FBXO27: variants seen among roughly 807,000 people sequenced by gnomAD.
FBXO27 encodes the protein F-box only protein 27.
Under a neutral mutation model 28.3 loss-of-function variants are expected in FBXO27, and 28 were observed. That is an observed-to-expected ratio of 0.99 (90% CI 0.73 to 1.36). FBXO27 has a LOEUF of 1.36. Ranked by LOEUF, FBXO27 falls within the 40% of genes most tolerant of loss-of-function variation. FBXO27 has a pLI of 0.00. For missense variants in FBXO27, 388 were observed against 394.1 expected (o/e 0.98, Z 0.13); for synonymous variants, 175 against 167.3 (o/e 1.05, Z -0.36).
In FBXO27 at chr19:39,032,125, G is replaced by A; in HGVS notation, c.103C>T (p.Leu35=). The A allele has an allele frequency of 3.3e-6, 5 of 1,537,362 alleles. No homozygotes were observed. Among genetic ancestry groups the A allele is most frequent in the Non-Finnish European group, 4.3e-6 (5 of 1,149,730 alleles). Residue 35 remains leucine (L), a synonymous_variant, in exon 2 of 6, where the codon CTG becomes TTG. Transcript: ENST00000292853. The surrounding 1 kb of genome is among the most constrained non-coding windows in gnomAD (Gnocchi z 4.7). Reference sequence around the variant, plus strand: ...GGGGGGACGTGGCTCAGCACCACCAGAAGCAGCTCTGGGGGTAGTTGGCTC... The same window carrying A: ...GGGGGGACGTGGCTCAGCACCACCAAAAGCAGCTCTGGGGGTAGTTGGCTC... The part of the protein sequence containing the change: ...DLSQLPPELL[L]VVLSHVPPRT...
intron 2 of FBXO27, chr19:39,014,303 G>A (rs1267586472): frequency 6.6e-6 from 1 of 152,234 alleles, no homozygotes; most frequent in Non-Finnish European, 1.5e-5. Flanking sequence ...CTGTTCTTTG[G>A]CAGCAGCAAA....
chr19:39,012,432 C>G (rs2072799974), intron 2 of FBXO27, among the ~76,000 whole-genome samples: 1 of 145,776 alleles, frequency 6.9e-6, no homozygotes, highest in African/African-American at 2.5e-5. Flanking sequence ...GATCCACCCA[C>G]CTCGGCCTCC....
chr19:39,015,997 G>A (rs1475375835), intron 1 of FBXO27, among the ~76,000 whole-genome samples: 8 of 152,172 alleles, frequency 5.3e-5, no homozygotes, highest in South Asian at 2.1e-4. Context: ...TCTCGAACCC[G>A]GGAGGCGGAG....
At chr19:39,025,649 T>C in intron 5 of FBXO27, 95 bp from the exon 6 acceptor site, 1 of 1,446,312 alleles carries the variant, frequency 6.9e-7, no homozygotes, top group Non-Finnish European at 9.2e-7. Context: ...TTTCCAAGGA[T>C]GGCTATAAAA....
Position 39,030,939 on chromosome 19 carries a change from G to C in FBXO27, c.572+90C>G. 5 of 1,066,338 alleles carry C rather than the reference G, an allele frequency of 4.7e-6. No individual in the cohort carries two copies. The Admixed American group carries it at 8.5e-5, about 18-fold the overall frequency. 66.1% of individuals were successfully genotyped at this position (1,066,338 alleles called of 1,614,324 possible). Reference sequence around the variant, plus strand: ...TCAGATTTTTTATCTGTAAGGAGGGGTTAGGAGGCCTAAATTAAGTCACCC... The same window carrying C: ...TCAGATTTTTTATCTGTAAGGAGGGCTTAGGAGGCCTAAATTAAGTCACCC... On this transcript the variant is annotated intron_variant, in intron 4 of 5. Coordinates refer to ENST00000292853, the MANE Select transcript of FBXO27 (RefSeq NM_178820.5).
rs1455462474 is a variant in FBXO27 at position 39,032,321 on chromosome 19, C to A, written c.-26-68G>T. On this transcript the variant is annotated intron_variant, in intron 1 of 5. Transcript: ENST00000292853. This position sits in a 1 kb window ranked among gnomAD's most constrained non-coding sequence, Gnocchi z 4.7. ...CCGCGGCGCGCAGCCTCTGCCTGCC[C>A]TGATTCTGCCAGCCGCACCCCCGTC... 2 of 1,360,850 alleles carry A rather than the reference C, an allele frequency of 1.5e-6. No individual in the cohort carries two copies. The highest frequency in any genetic ancestry group is 1.9e-6 in the Non-Finnish European group (2 of 1,062,488). The allele number at this position is 1,360,850 out of a possible 1,614,324, so 84.3% of individuals were successfully genotyped here. A position where few individuals can be genotyped will look rare whatever the true frequency, so the allele number is the denominator to read the frequency against.
At chr19:39,017,181 G>C (rs1319272549) in intron 1 of FBXO27, among the ~76,000 whole-genome samples, 3 of 152,092 alleles carry the variant, frequency 2.0e-5, no homozygotes, top group Non-Finnish European at 4.4e-5. Flanking sequence ...TTCTCCAAAG[G>C]CTCCAGTAAG....
In FBXO27 at chr19:39,031,899, A is replaced by T; in HGVS notation, c.329T>A (p.Ile110Asn). The change falls in exon 2 of 6, where the codon ATC becomes AAC. Residue 110 changes from isoleucine (I) to asparagine (N), a missense_variant. Coordinates refer to ENST00000292853, the MANE Select transcript of FBXO27 (RefSeq NM_178820.5). Reference protein sequence around the residue: ...PLGRFCARRPIGRNLIRNPCG... With the variant: ...PLGRFCARRPNGRNLIRNPCG... ...GGGGTTGCGAATAAGGTTGCGTCCG[A>T]TGGGTCTGCGCGCGCAGAAGCGGCC... 1 of 1,499,752 alleles carries T rather than the reference A, an allele frequency of 6.7e-7. No homozygotes were observed. The highest frequency in any genetic ancestry group is 1.3e-5 in the South Asian group (1 of 75,984). The allele number at this position is 1,499,752 out of a possible 1,614,324, so 92.9% of individuals were successfully genotyped here. A position where few individuals can be genotyped will look rare whatever the true frequency, so the allele number is the denominator to read the frequency against.
chr19:39,028,101 C>T (rs772192441), intron 4 of FBXO27, among the ~76,000 whole-genome samples: 2 of 151,862 alleles, frequency 1.3e-5, no homozygotes, highest in Non-Finnish European at 1.5e-5. Context: ...ATTAGCCAGG[C>T]GTGGTGGCAG....
intron 4 of FBXO27, among the ~76,000 whole-genome samples, chr19:39,029,409 C>T (rs1484134156): frequency 7.6e-6 from 1 of 130,892 alleles, no homozygotes. Context: ...CCTGGGCCAC[C>T]TAGTGAGACT....
chr19:39,027,914 C>T (rs948500699), intron 4 of FBXO27, among the ~76,000 whole-genome samples: 5 of 152,026 alleles, frequency 3.3e-5, no homozygotes, highest in Non-Finnish European at 5.9e-5. Flanking sequence ...ATTCCATCCC[C>T]GAACTTTGTA....
At chr19:39,006,248 A>AC (rs930395588) in intron 2 of FBXO27, among the ~76,000 whole-genome samples, 3 of 151,156 alleles carry the variant, frequency 2.0e-5, no homozygotes, top group Non-Finnish European at 3.0e-5. Flanking sequence ...ATGGTGAAAA[A>AC]CCCGTCTTTA....
chr19:39,025,678 GT>G, intron 5 of FBXO27, 124 bp from the exon 6 acceptor site: 7 of 1,254,058 alleles, frequency 5.6e-6, no homozygotes, highest in Non-Finnish European at 7.6e-6. Context: ...TGGGCCACAT[GT>G]TCTTCTAGAA....
At chr19:39,010,221 T>A (rs1062261) in intron 2 of FBXO27, among the ~76,000 whole-genome samples, 65,396 of 151,072 alleles carry the variant, frequency 0.43, 14,776 homozygotes, top group Middle Eastern at 0.57. Context: ...TAAAGAGATA[T>A]CCCTGTATTC....
chr19:39,008,493 C>T lies in FBXO27; in HGVS notation c.252+5894G>A, dbSNP rs190646665. 7.2e-5 allele frequency among the ~76,000 whole-genome samples: 11 copies of T among 152,096 alleles called. No homozygotes were observed. In the East Asian group the frequency reaches 1.4e-3, roughly 19 times the overall value. On this transcript the variant is annotated intron_variant, in intron 2 of 2. Transcript: ENST00000598394. ...AACTTTAGATTTTTTTCCATTTTTA[C>T]GGAGGTAAAATTCATACAATATATA...
At chr19:39,007,057 CA>C (rs34457510) in intron 2 of FBXO27, among the ~76,000 whole-genome samples, 44 of 57,612 alleles carry the variant, frequency 7.6e-4, no homozygotes, top group Admixed American at 1.0e-3. Flanking sequence ...TGGGTGTCTC[CA>C]AAAAAAAAAA....
Position 39,032,531 on chromosome 19 carries a change from G to C in FBXO27, c.-55C>G, listed in dbSNP as rs640126. The C allele has an allele frequency of 5.2e-3, 1,810 of 347,530 alleles. 26 individuals are homozygous for C. Among genetic ancestry groups the C allele is most frequent in the African/African-American group, 0.037 (1,695 of 45,994 alleles). 21.5% of individuals were successfully genotyped at this position (347,530 alleles called of 1,614,324 possible). On this transcript the variant is annotated 5_prime_UTR_variant, in exon 1 of 6. It adds an upstream start codon to the 5' untranslated region. Transcript: ENST00000292853. This position sits in a 1 kb window ranked among gnomAD's most constrained non-coding sequence, Gnocchi z 4.7. Reference sequence around the variant, plus strand: ...GGGGCCTGGCGGCGCTCCTCGCCGGGATGCCCTAGCTGTGCCGCAAGCTCC... The same window carrying C: ...GGGGCCTGGCGGCGCTCCTCGCCGGCATGCCCTAGCTGTGCCGCAAGCTCC...
intron 2 of FBXO27, among the ~76,000 whole-genome samples, chr19:39,013,676 G>C (rs1219730560): frequency 6.6e-6 from 1 of 151,250 alleles, no homozygotes; most frequent in Non-Finnish European, 1.5e-5. Context: ...AAGAAATATA[G>C]AGCCAAGAAG....
chr19:39,031,317 CCTT>C lies in FBXO27; in HGVS notation c.365_367del (p.Glu122del), dbSNP rs758735496. ...GTGTTGCACCATCCACTTTCGGAGG[CCTT>C]CTGTGAAATAAAAAAGGCTTGTGCC... On this transcript the variant is annotated inframe_deletion and splice_region_variant, in exon 3 of 6. Coordinates refer to ENST00000292853, the MANE Select transcript of FBXO27 (RefSeq NM_178820.5). 1 of 1,613,858 alleles carries C rather than the reference CCTT, an allele frequency of 6.2e-7. No homozygotes were observed. Among genetic ancestry groups the C allele is most frequent in the South Asian group, 1.1e-5 (1 of 91,082 alleles).
Sources: gnomAD v4.1 joint callset for allele counts (sites outside exome capture counted in the v4.1 genomes callset) on GRCh38, gnomAD v4.1.1 for gene constraint, Gnocchi (gnomAD v3.1) non-coding constraint, MANE v1.5 for transcripts, NCBI Gene and HGNC (gene_info 2026-07-23, HGNC 2026-07-21) for gene names.